Variants in ARHGAP15 observed in about 807,000 individuals in gnomAD.
ARHGAP15 encodes rho GTPase-activating protein 15.
A neutral mutation model predicts 63.7 loss-of-function variants in ARHGAP15; 51 were observed. The ratio of observed to expected loss-of-function variants is 0.80; its 90% CI spans 0.64 to 1.01. The LOEUF (loss-of-function observed/expected upper bound fraction) is 1.01, where lower values mean the gene tolerates loss of function less well. ARHGAP15 is among the 50% of genes least tolerant of loss of function. The pLI is 0.00. For synonymous variants in ARHGAP15, 191 were observed against 193.8 expected (o/e 0.99, Z 0.12); for missense variants, 560 against 564.6 (o/e 0.99, Z 0.08).
chr2:143,683,285 T>C (rs972682522), intron 12 of ARHGAP15, among the ~76,000 whole-genome samples: 1 of 152,176 alleles, frequency 6.6e-6, no homozygotes, highest in African/African-American at 2.4e-5. Flanking sequence ...AAATGGGGAT[T>C]TGATGAGCAA....
chr2:143,347,713 A>G (rs1416930891), intron 6 of ARHGAP15, among the ~76,000 whole-genome samples: 2 of 152,062 alleles, frequency 1.3e-5, no homozygotes, highest in African/African-American at 4.8e-5. Context: ...TGTAGTTAAT[A>G]TGAATAACAA....
At chr2:143,535,562 CA>C (rs1433801108) in intron 10 of ARHGAP15, among the ~76,000 whole-genome samples, 1 of 152,166 alleles carries the variant, frequency 6.6e-6, no homozygotes, top group Non-Finnish European at 1.5e-5. Flanking sequence ...AAATAAACTG[CA>C]AAAGTAGCCT....
intron 6 of ARHGAP15, among the ~76,000 whole-genome samples, chr2:143,371,292 T>G (rs1178901696): frequency 6.6e-6 from 1 of 152,180 alleles, no homozygotes; most frequent in Non-Finnish European, 1.5e-5. Context: ...ATGCATTAGG[T>G]AGATAAATTT....
At chr2:143,408,311 A>G (rs1039148955) in intron 6 of ARHGAP15, among the ~76,000 whole-genome samples, 1 of 150,496 alleles carries the variant, frequency 6.6e-6, no homozygotes, top group African/African-American at 2.4e-5. Flanking sequence ...ATAAAAATCT[A>G]TAAAATTTTT....
chr2:143,722,172 A>AACAC (rs758357420), intron 13 of ARHGAP15, among the ~76,000 whole-genome samples: 30 of 150,696 alleles, frequency 2.0e-4, no homozygotes, highest in Admixed American at 4.0e-4. Context: ...CTTGAAAAGA[A>AACAC]ACACACACAC....
chr2:143,691,825 G>T (rs1683613994), intron 12 of ARHGAP15, among the ~76,000 whole-genome samples: 1 of 152,154 alleles, frequency 6.6e-6, no homozygotes, highest in African/African-American at 2.4e-5. Context: ...AACTCCCATT[G>T]CAGATTGGCT....
In ARHGAP15 at chr2:143,248,960, C is replaced by T. The variant is rs531855952; in HGVS notation, c.385-1551C>T. Among the ~76,000 whole-genome samples, 19 of 152,224 alleles carry T rather than the reference C, an allele frequency of 1.2e-4. 1 individual carries two copies. The South Asian group carries it at 1.9e-3, about 15-fold the overall frequency. Reference sequence around the variant, plus strand: ...GTTACGTACTCTTAATGATTATTTTCGTTGGTTCTGAGTATCCCCTAATGT... The same window carrying T: ...GTTACGTACTCTTAATGATTATTTTTGTTGGTTCTGAGTATCCCCTAATGT... On this transcript the variant is annotated intron_variant, in intron 5 of 13. Coordinates refer to ENST00000295095, the MANE Select transcript of ARHGAP15 (RefSeq NM_018460.4).
intron 12 of ARHGAP15, among the ~76,000 whole-genome samples, chr2:143,640,367 G>A (rs1199759268): frequency 2.0e-5 from 3 of 152,080 alleles, no homozygotes; most frequent in Non-Finnish European, 2.9e-5. Flanking sequence ...TTTGTTGACA[G>A]TAAATTCAAG....
intron 12 of ARHGAP15, among the ~76,000 whole-genome samples, chr2:143,671,796 C>A (rs1456723580): frequency 6.6e-6 from 1 of 152,148 alleles, no homozygotes; most frequent in African/African-American, 2.4e-5. Context: ...TCAACTGTCT[C>A]CTAACACATT....
chr2:143,502,926 G>T (rs1449272108), intron 9 of ARHGAP15, among the ~76,000 whole-genome samples: 2 of 152,164 alleles, frequency 1.3e-5, no homozygotes, highest in Non-Finnish European at 2.9e-5. Context: ...TCTCTGAGAA[G>T]CTGCCATGAA....
chr2:143,666,098 C>T (rs1682160688), intron 12 of ARHGAP15, among the ~76,000 whole-genome samples: 1 of 151,568 alleles, frequency 6.6e-6, no homozygotes, highest in Admixed American at 6.6e-5. Flanking sequence ...CAAAAAAGAG[C>T]CCACATCCCC....
At position 143,396,626 on chromosome 2, in the gene ARHGAP15, T is replaced by C. The variant is rs1041798339; in HGVS notation, c.475-38975T>C. ...AAAAAGGGATTTAAGTTTTTTTTTT[T>C]TTTTAATCTAAACGGGTATCTCCAG... On this transcript the variant is annotated intron_variant, in intron 6 of 13. Coordinates refer to ENST00000295095, the MANE Select transcript of ARHGAP15 (RefSeq NM_018460.4). 1.4e-4 allele frequency among the ~76,000 whole-genome samples: 22 copies of C among 152,130 alleles called. No homozygotes were observed. The South Asian group carries it at 4.4e-3, about 30-fold the overall frequency.
chr2:143,541,208 G>A (rs771371212), intron 10 of ARHGAP15, among the ~76,000 whole-genome samples: 181 of 152,238 alleles, frequency 1.2e-3, no homozygotes, highest in Non-Finnish European at 2.3e-3. Flanking sequence ...TAGTTCTTGT[G>A]CCATGGTTTT....
At chr2:143,151,930 A>G (rs1050457813) in intron 1 of ARHGAP15, among the ~76,000 whole-genome samples, 8 of 151,928 alleles carry the variant, frequency 5.3e-5, no homozygotes, top group African/African-American at 1.9e-4. Flanking sequence ...CACAGCTGTC[A>G]TCATCCTGTT....
intron 6 of ARHGAP15, among the ~76,000 whole-genome samples, chr2:143,332,357 G>A (rs1276223558): frequency 4.6e-5 from 7 of 151,998 alleles, no homozygotes; most frequent in Non-Finnish European, 7.4e-5. Flanking sequence ...CATAATACTA[G>A]AAGTACAGAC....
intron 9 of ARHGAP15, among the ~76,000 whole-genome samples, chr2:143,502,630 A>G (rs529703188): frequency 3.1e-4 from 47 of 151,946 alleles, no homozygotes; most frequent in Admixed American, 7.9e-4. Flanking sequence ...CCCAGGCTGG[A>G]GTGCAATGGC....
chr2:143,537,990 A>C (rs966463433), intron 10 of ARHGAP15, among the ~76,000 whole-genome samples: 8 of 152,214 alleles, frequency 5.3e-5, no homozygotes, highest in African/African-American at 1.4e-4. Flanking sequence ...TTTTCACGAT[A>C]TTGATTCTTC....
intron 6 of ARHGAP15, among the ~76,000 whole-genome samples, chr2:143,307,760 G>A (rs1416599726): frequency 1.3e-5 from 2 of 152,008 alleles, no homozygotes; most frequent in African/African-American, 4.8e-5. Context: ...TGAACATTAG[G>A]GGGTCTCAAT....
At chr2:143,747,797 G>A (rs947776203) in intron 13 of ARHGAP15, among the ~76,000 whole-genome samples, 1 of 152,004 alleles carries the variant, frequency 6.6e-6, no homozygotes, top group African/African-American at 2.4e-5. Flanking sequence ...ATTTATCAGA[G>A]GACATCTAGA....
Sources: gnomAD v4.1 joint callset for allele counts (sites outside exome capture counted in the v4.1 genomes callset) on GRCh38, gnomAD v4.1.1 for gene constraint, MANE v1.5 for transcripts, NCBI Gene and HGNC (gene_info 2026-07-23, HGNC 2026-07-21) for gene names.